FMNL3: variants seen among roughly 807,000 people sequenced by gnomAD.
The protein encoded by FMNL3 is formin like 3, also known as formin-like protein 3.
In FMNL3, 57 loss-of-function variants were observed where a neutral mutation model predicts 119.6. That is an observed-to-expected ratio of 0.48 (90% CI 0.39 to 0.59). The LOEUF is 0.59. FMNL3 is among the 20% of genes least tolerant of loss of function. The pLI is 0.00. For missense variants in FMNL3, 1,053 were observed against 1,323.5 expected (o/e 0.80, Z 3.17); for synonymous variants, 491 against 507.3 (o/e 0.97, Z 0.43).
chr12:49,654,155 A>G (rs752407873), intron 11 of FMNL3, 37 bp downstream of exon 11: 3 of 1,577,170 alleles, frequency 1.9e-6, no homozygotes, highest in South Asian at 2.2e-5. Flanking sequence ...AACTGATCCC[A>G]AAGCACCTCA....
In FMNL3 at chr12:49,637,087, A is replaced by T; in HGVS notation, c.*8728T>A. ...CACCCAGAAACTGCCAGTAGAGAGC[A>T]CCCTACAGGCATGACTTGGCAGCTA... On this transcript the variant is annotated 3_prime_UTR_variant, in exon 26 of 26. Transcript: ENST00000335154. 1 of 628,864 alleles carries T rather than the reference A, an allele frequency of 1.6e-6. No homozygotes were observed. The highest frequency in any genetic ancestry group is 2.7e-6 in the Non-Finnish European group (1 of 368,254). 39.0% of individuals were successfully genotyped at this position (628,864 alleles called of 1,614,324 possible). A position where few individuals can be genotyped will look rare whatever the true frequency, so the allele number is the denominator to read the frequency against.
chr12:49,654,800 T>C (rs564387738), intron 10 of FMNL3, 110 bp downstream of exon 10: 2 of 1,039,922 alleles, frequency 1.9e-6, no homozygotes, highest in Non-Finnish European at 2.9e-6. Flanking sequence ...ATAGAATCAT[T>C]CTGGGCTCTA....
At chr12:49,655,909 C>T (rs1943554038) in intron 9 of FMNL3, among the ~76,000 whole-genome samples, 1 of 152,170 alleles carries the variant, frequency 6.6e-6, no homozygotes, top group Admixed American at 6.5e-5. Flanking sequence ...AAATTCCACA[C>T]AGGAGTTCCT....
intron 1 of FMNL3, among the ~76,000 whole-genome samples, chr12:49,698,675 G>A (rs561937375): frequency 2.5e-4 from 38 of 152,310 alleles, no homozygotes; most frequent in African/African-American, 7.9e-4. Flanking sequence ...AGAGAGGAAA[G>A]TGGGAGGCAA....
rs752703446 is a variant in FMNL3, at chr12:49,645,360, G to A, written c.*455C>T. 1 of 154,776 alleles carries A rather than the reference G, an allele frequency of 6.5e-6. No homozygotes were observed. Among genetic ancestry groups the A allele is most frequent in the South Asian group, 2.0e-4 (1 of 5,096 alleles). 9.6% of individuals were successfully genotyped at this position (154,776 alleles called of 1,614,324 possible). Reference sequence around the variant, plus strand: ...CATGCTTCAGAGGGCCTTGCTCCTGGTAAGAGATGAACTGAGACTGGCAGG... The same window carrying A: ...CATGCTTCAGAGGGCCTTGCTCCTGATAAGAGATGAACTGAGACTGGCAGG... On this transcript the variant is annotated 3_prime_UTR_variant, in exon 26 of 26. Coordinates refer to ENST00000335154, the MANE Select transcript of FMNL3 (RefSeq NM_175736.5).
intron 1 of FMNL3, among the ~76,000 whole-genome samples, chr12:49,697,804 A>G (rs1316735716): frequency 4.6e-5 from 7 of 152,188 alleles, no homozygotes; most frequent in Non-Finnish European, 8.8e-5. Context: ...CACGTGTCAT[A>G]AAGGATGAAA....
chr12:49,670,492 C>G (rs975153003), intron 1 of FMNL3, among the ~76,000 whole-genome samples: 1 of 152,162 alleles, frequency 6.6e-6, no homozygotes, highest in African/African-American at 2.4e-5. Context: ...AGCCCAGCTA[C>G]TGGCTGGAAA....
intron 1 of FMNL3, among the ~76,000 whole-genome samples, chr12:49,697,275 A>G (rs558119267): frequency 6.6e-6 from 1 of 152,226 alleles, no homozygotes; most frequent in South Asian, 2.1e-4. Flanking sequence ...AGGCAGAGGT[A>G]ATAAAAAGAG....
intron 2 of FMNL3, 54 bp downstream of exon 2, chr12:49,668,417 T>C: frequency 1.3e-6 from 2 of 1,580,838 alleles, no homozygotes; most frequent in South Asian, 2.2e-5. Flanking sequence ...CCCACAGCCT[T>C]AGCCAGCCCA....
chr12:49,685,762 C>T (rs1164231521), intron 1 of FMNL3, among the ~76,000 whole-genome samples: 1 of 152,176 alleles, frequency 6.6e-6, no homozygotes, highest in Non-Finnish European at 1.5e-5. Context: ...AGTTAATGGC[C>T]TTCAAATAAT....
chr12:49,651,271 A>C lies in FMNL3; in HGVS notation c.1694T>G (p.Ile565Ser), dbSNP rs755292448. The C allele has an allele frequency of 6.2e-7, 1 of 1,612,626 alleles. No individual in the cohort carries two copies. Among genetic ancestry groups the C allele is most frequent in the Non-Finnish European group, 8.5e-7 (1 of 1,178,718 alleles). The change falls in exon 16 of 26, where the codon ATC becomes AGC. Residue 565 changes from isoleucine to serine, a missense_variant. Transcript: ENST00000335154. Reference protein sequence around the residue: ...GLSAIRIKKPIKTKFRLPVFN... With the variant: ...GLSAIRIKKPSKTKFRLPVFN... ...GACAGGCAGCCGGAACTTGGTCTTG[A>C]TAGGTTTCTTAATTCGAATGGCTAA...
intron 1 of FMNL3, among the ~76,000 whole-genome samples, chr12:49,691,681 C>A (rs1458861971): frequency 6.6e-6 from 1 of 152,190 alleles, no homozygotes; most frequent in African/African-American, 2.4e-5. Context: ...CTCTCTCTCG[C>A]ACTTTTCTTT....
In FMNL3 at chr12:49,649,713, T is replaced by A. The variant is rs1943334856; in HGVS notation, c.2213A>T (p.Asp738Val). 1 of 1,614,022 alleles carries A rather than the reference T, an allele frequency of 6.2e-7. No homozygotes were observed. Among genetic ancestry groups the A allele is most frequent in the East Asian group, 2.2e-5 (1 of 44,890 alleles). Reference protein sequence around the residue: ...AGMAFLGNFQDNLQMLTPQLN... With the variant: ...AGMAFLGNFQVNLQMLTPQLN... ...TACCGGTGTGAGCATCTGCAGGTTA[T>A]CCTGGAAGTTCCCCAGGAAGGCCAT... The change falls in exon 18 of 26, where the codon GAT (aspartate) becomes GTT (valine). Residue 738 changes from aspartate (D) to valine (V), a missense_variant. Asp to Val is a radical substitution (Grantham distance 152). Around this residue, in one of 4 missense-constraint regions of FMNL3, gnomAD observed 20 missense variants for 48.7 expected, o/e 0.41. Coordinates refer to ENST00000335154, the MANE Select transcript of FMNL3 (RefSeq NM_175736.5). The surrounding 1 kb of genome is among the most constrained non-coding windows in gnomAD (Gnocchi z 5.6).
intron 13 of FMNL3, 143 bp from the exon 14 acceptor site, chr12:49,652,355 G>A: frequency 2.1e-6 from 3 of 1,408,386 alleles, no homozygotes; most frequent in Non-Finnish European, 2.8e-6. Flanking sequence ...AAACCCAGGT[G>A]GGGGAATGAG....
Position 49,636,686 on chromosome 12 carries a change from A to G in FMNL3, c.*9129T>C, listed in dbSNP as rs771971581. On this transcript the variant is annotated 3_prime_UTR_variant, in exon 26 of 26. Coordinates refer to ENST00000335154, the MANE Select transcript of FMNL3 (RefSeq NM_175736.5). ...TCTGAGAGGGTATCCTGCTGGGACA[A>G]TGCCCGCGGAACCTCCTGCCTGTCT... is the stretch of plus-strand genomic sequence containing the variant. 94 of 1,612,734 alleles carry G rather than the reference A, an allele frequency of 5.8e-5. No individual in the cohort carries two copies. Among genetic ancestry groups the G allele is most frequent in the South Asian group, 2.2e-4 (20 of 91,082 alleles).
chr12:49,645,487 C>A lies in FMNL3; in HGVS notation c.*328G>T. On this transcript the variant is annotated 3_prime_UTR_variant, in exon 26 of 26. Coordinates refer to ENST00000335154, the MANE Select transcript of FMNL3 (RefSeq NM_175736.5). ...AGAAAGAACAGTTGCTCTCTCCTCT[C>A]ATCCCTCTGGGCTCTAGTGGGAGAG... The A allele has an allele frequency of 3.4e-6, 1 of 293,372 alleles. No homozygotes were observed. Among genetic ancestry groups the A allele is most frequent in the Non-Finnish European group, 6.3e-6 (1 of 158,676 alleles). The allele number at this position is 293,372 out of a possible 1,614,324, so 18.2% of individuals were successfully genotyped here.
At chr12:49,654,052 G>C in intron 11 of FMNL3, 140 bp downstream of exon 11, 1 of 1,140,176 alleles carries the variant, frequency 8.8e-7, no homozygotes, top group Non-Finnish European at 1.2e-6. Flanking sequence ...TAGCTGCAGA[G>C]GTCCTGAGTC....
intron 4 of FMNL3, among the ~76,000 whole-genome samples, chr12:49,663,736 CCAGGTAGAGGGGGCAGGCAG>C (rs1465343570): frequency 6.6e-6 from 1 of 152,226 alleles, no homozygotes; most frequent in African/African-American, 2.4e-5. Flanking sequence ...GGGGCAGGCA[CCAGGTAGAGGGGGCAGGCAG>C]CAGGGACTAT....
At chr12:49,703,837 TC>T (rs1944973364) in intron 1 of FMNL3, among the ~76,000 whole-genome samples, 1 of 152,010 alleles carries the variant, frequency 6.6e-6, no homozygotes, top group Admixed American at 6.6e-5. Flanking sequence ...TGATACAACT[TC>T]CCCAGCGAGG....
Sources: gnomAD v4.1 joint callset for allele counts (sites outside exome capture counted in the v4.1 genomes callset) on GRCh38, gnomAD v4.1.1 for gene constraint, gnomAD v4.1.1 regional missense constraint, Gnocchi (gnomAD v3.1) non-coding constraint, MANE v1.5 for transcripts, NCBI Gene and HGNC (gene_info 2026-07-23, HGNC 2026-07-21) for gene names.